COMMD1: variants seen among roughly 807,000 people sequenced by gnomAD.
COMMD1 encodes the protein COMM domain-containing protein 1.
A neutral mutation model predicts 17.2 loss-of-function variants in COMMD1; 10 were observed. That is an observed-to-expected ratio of 0.58 (90% CI 0.36 to 0.99). The LOEUF (loss-of-function observed/expected upper bound fraction) is 0.99, where lower values mean the gene tolerates loss of function less well. Ranked by LOEUF, COMMD1 falls within the 50% of genes least tolerant of loss-of-function variation. The pLI is 0.01. For missense variants in COMMD1, 270 were observed against 231.8 expected (o/e 1.17, Z -1.07); for synonymous variants, 97 against 91.6 (o/e 1.06, Z -0.34).
At chr2:61,905,897 C>T (rs1401472261) in intron 1 of COMMD1, 39 bp downstream of exon 1, 1 of 1,604,226 alleles carries the variant, frequency 6.2e-7, no homozygotes. Context: ...TGGAGCAGAA[C>T]CCCTTGGCCG....
At chr2:61,915,560 C>A in intron 1 of COMMD1, 1 of 291,682 alleles carries the variant, frequency 3.4e-6, no homozygotes, top group South Asian at 3.0e-5. Context: ...ATGATCATGT[C>A]TCACTTGCAG....
intron 2 of COMMD1, among the ~76,000 whole-genome samples, chr2:62,027,657 T>TTA (rs879846050): frequency 0.027 from 3,610 of 133,144 alleles, 110 homozygotes; most frequent in African/African-American, 0.095. Flanking sequence ...TTATGTTATG[T>TTA]TGTGTTATGT....
intron 2 of COMMD1, among the ~76,000 whole-genome samples, chr2:62,112,388 T>C (rs907688258): frequency 6.6e-6 from 1 of 152,210 alleles, no homozygotes; most frequent in African/African-American, 2.4e-5. Context: ...TACTGTTCCC[T>C]AACATGAGAA....
intron 2 of COMMD1, among the ~76,000 whole-genome samples, chr2:62,034,199 G>T (rs1669984450): frequency 6.6e-6 from 1 of 150,830 alleles, no homozygotes; most frequent in Non-Finnish European, 1.5e-5. Context: ...TTGGTTCTTT[G>T]TTTCCATTAA....
chr2:61,987,091 G>A (rs998605660), intron 1 of COMMD1, among the ~76,000 whole-genome samples: 1 of 152,042 alleles, frequency 6.6e-6, no homozygotes, highest in Non-Finnish European at 1.5e-5. Flanking sequence ...CCTTCTCTAT[G>A]TTCTCTTGAA....
intron 1 of COMMD1, among the ~76,000 whole-genome samples, chr2:61,894,250 C>T (rs1013676845): frequency 7.2e-5 from 11 of 152,108 alleles, no homozygotes; most frequent in Middle Eastern, 3.2e-3. Context: ...ACTACAGTAT[C>T]GTGCAACTAC....
chr2:61,933,331 T>C (rs1028465838), intron 1 of COMMD1, among the ~76,000 whole-genome samples: 14 of 151,852 alleles, frequency 9.2e-5, no homozygotes, highest in Non-Finnish European at 1.9e-4. Flanking sequence ...TCCCTAACAC[T>C]CAGCTGCTTG....
At chr2:61,969,289 C>G (rs1671586194) in intron 1 of COMMD1, among the ~76,000 whole-genome samples, 1 of 151,876 alleles carries the variant, frequency 6.6e-6, no homozygotes, top group African/African-American at 2.4e-5. Context: ...TTTGACGTGG[C>G]ATTTGATCTT....
intron 2 of COMMD1, among the ~76,000 whole-genome samples, chr2:62,011,763 A>G (rs548584711): frequency 2.0e-5 from 3 of 152,292 alleles, no homozygotes; most frequent in African/African-American, 7.2e-5. Flanking sequence ...CCAAAGCTCA[A>G]AAGATGGAAT....
chr2:61,999,771 A>G (rs1424055049), intron 1 of COMMD1, among the ~76,000 whole-genome samples: 3 of 152,068 alleles, frequency 2.0e-5, no homozygotes. Context: ...TCTCCCCGCC[A>G]TAGAACTGGA....
At chr2:61,957,152 G>C (rs1373258042) in intron 1 of COMMD1, among the ~76,000 whole-genome samples, 1 of 151,458 alleles carries the variant, frequency 6.6e-6, no homozygotes, top group African/African-American at 2.4e-5. Flanking sequence ...GGTCTCGCTT[G>C]TTGCCCAAGA....
At chr2:61,948,173 A>G (rs1275921420) in intron 1 of COMMD1, among the ~76,000 whole-genome samples, 2 of 152,148 alleles carry the variant, frequency 1.3e-5, no homozygotes, top group African/African-American at 4.8e-5. Context: ...CAGTGGTGCA[A>G]TCACCGCTTA....
intron 2 of COMMD1, among the ~76,000 whole-genome samples, chr2:62,030,662 A>C (rs1280651974): frequency 6.6e-6 from 1 of 152,134 alleles, no homozygotes; most frequent in African/African-American, 2.4e-5. Flanking sequence ...CCTTTTCTAA[A>C]CATCACTTTT....
chr2:62,040,451 T>C (rs1670158495), intron 2 of COMMD1, among the ~76,000 whole-genome samples: 1 of 152,232 alleles, frequency 6.6e-6, no homozygotes, highest in African/African-American at 2.4e-5. Context: ...CTTTTACTTT[T>C]CAGAGTATAG....
At chr2:62,086,050 A>C (rs1236482879) in intron 2 of COMMD1, among the ~76,000 whole-genome samples, 1 of 151,968 alleles carries the variant, frequency 6.6e-6, no homozygotes, top group Non-Finnish European at 1.5e-5. Context: ...ACCTAGTCGC[A>C]TCTACTGGGG....
chr2:61,931,399 G>A (rs1670464630), intron 1 of COMMD1, among the ~76,000 whole-genome samples: 1 of 152,126 alleles, frequency 6.6e-6, no homozygotes, highest in Admixed American at 6.5e-5. Flanking sequence ...AAGTTGAATG[G>A]GTCTGGAAGT....
chr2:62,071,314 G>A (rs1177353293), intron 2 of COMMD1, among the ~76,000 whole-genome samples: 1 of 152,200 alleles, frequency 6.6e-6, no homozygotes, highest in Non-Finnish European at 1.5e-5. Flanking sequence ...CACATAATAA[G>A]CAGTGAGGAT....
intron 2 of COMMD1, among the ~76,000 whole-genome samples, chr2:62,054,233 T>A (rs1670623581): frequency 6.6e-6 from 1 of 152,180 alleles, no homozygotes; most frequent in Admixed American, 6.5e-5. Context: ...TTGAGCACTG[T>A]TGGTAAGAAT....
At chr2:61,977,378 G>T (rs1481660803) in intron 1 of COMMD1, among the ~76,000 whole-genome samples, 2 of 150,888 alleles carry the variant, frequency 1.3e-5, no homozygotes, top group African/African-American at 4.9e-5. Context: ...CTGAGTAGCT[G>T]GGATTACAGG....
Sources: allele counts gnomAD v4.1 joint callset (sites outside exome capture counted in the v4.1 genomes callset), GRCh38; gene constraint gnomAD v4.1.1; transcripts MANE v1.5; gene names NCBI Gene and HGNC (gene_info 2026-07-23, HGNC 2026-07-21).